The following KCTD16 variants were observed in gnomAD, a reference collection of about 807,000 sequenced individuals.
The protein encoded by KCTD16 is BTB/POZ domain-containing protein KCTD16.
KCTD16 carries 13 observed loss-of-function variants against 33.2 expected under a neutral mutation model. The observed-to-expected ratio is 0.39, with a 90% CI of 0.25 to 0.62. KCTD16 has a LOEUF of 0.62. Among genes scored for constraint, KCTD16 ranks in the 20% least tolerant of loss-of-function variants. The pLI is 0.50. For synonymous variants in KCTD16, 197 were observed against 195.3 expected (o/e 1.01, Z -0.07); for missense variants, 441 against 525.1 (o/e 0.84, Z 1.57).
At chr5:144,395,672 A>G (rs1752552502) in intron 3 of KCTD16, among the ~76,000 whole-genome samples, 1 of 152,156 alleles carries the variant, frequency 6.6e-6, no homozygotes, top group African/African-American at 2.4e-5. Flanking sequence ...TTAGAGTTCT[A>G]TTGTCCTCCC....
chr5:144,216,779 G>A (rs1753575401), intron 3 of KCTD16, among the ~76,000 whole-genome samples: 1 of 151,596 alleles, frequency 6.6e-6, no homozygotes. Flanking sequence ...GGGAGGTGGA[G>A]GTTGCAGTGA....
At chr5:144,367,124 A>T (rs986028826) in intron 3 of KCTD16, among the ~76,000 whole-genome samples, 1 of 152,204 alleles carries the variant, frequency 6.6e-6, no homozygotes, top group Non-Finnish European at 1.5e-5. Flanking sequence ...AATCCTGTCT[A>T]TCCTGTGTGG....
chr5:144,323,096 T>C (rs535297917), intron 3 of KCTD16, among the ~76,000 whole-genome samples: 1 of 152,212 alleles, frequency 6.6e-6, no homozygotes, highest in African/African-American at 2.4e-5. Context: ...AAAAAGGAAG[T>C]GCTATTATGA....
chr5:144,268,045 C>T lies in KCTD16; in HGVS notation c.832+60499C>T, dbSNP rs190261841. ...TTTTGAAACTCTGGAGTGTATTGCA[C>T]GCTTCAGACTTCTAAGGGAAAGCTT... On this transcript the variant is annotated intron_variant, in intron 3 of 3. Coordinates refer to ENST00000512467, the MANE Select transcript of KCTD16 (RefSeq NM_020768.4). Among the ~76,000 whole-genome samples the T allele has an allele frequency of 3.4e-3, 516 of 152,220 alleles. 6 individuals carry two copies. Among genetic ancestry groups the T allele is most frequent in the African/African-American group, 0.012 (487 of 41,544 alleles).
Position 144,417,761 on chromosome 5 carries a change from T to G in KCTD16, c.833-55899T>G, listed in dbSNP as rs1753100984. ...CCTATGTTCATTGATCCTTTTGAGT[T>G]TTTTTTGGGTCTATGTTGTAAAGTA... is the stretch of plus-strand genomic sequence containing the variant. On this transcript the variant is annotated intron_variant, in intron 3 of 3. Coordinates refer to ENST00000512467, the MANE Select transcript of KCTD16 (RefSeq NM_020768.4). Among the ~76,000 whole-genome samples the G allele has an allele frequency of 2.0e-5, 3 of 152,260 alleles. No homozygotes were observed. The South Asian group carries it at 6.2e-4, about 32-fold the overall frequency.
chr5:144,358,090 A>ATTTTTTTTTTT (rs539287370), intron 3 of KCTD16, among the ~76,000 whole-genome samples: 1 of 114,438 alleles, frequency 8.7e-6, no homozygotes, highest in African/African-American at 3.7e-5. Flanking sequence ...CACCCGGCTA[A>ATTTTTTTTTTT]TTTTTTTTTT....
At chr5:144,406,289 AG>A (rs1349905039) in intron 3 of KCTD16, among the ~76,000 whole-genome samples, 1 of 152,198 alleles carries the variant, frequency 6.6e-6, no homozygotes, top group Non-Finnish European at 1.5e-5. Context: ...TCCCATCATG[AG>A]GCACAGTTAG....
At chr5:144,214,140 A>G (rs372473054) in intron 3 of KCTD16, among the ~76,000 whole-genome samples, 1 of 152,208 alleles carries the variant, frequency 6.6e-6, no homozygotes, top group Non-Finnish European at 1.5e-5. Flanking sequence ...GGAATAAAAC[A>G]TAGGTGACAT....
chr5:144,298,778 C>T (rs115340643), intron 3 of KCTD16, among the ~76,000 whole-genome samples: 1 of 151,926 alleles, frequency 6.6e-6, no homozygotes, highest in African/African-American at 2.4e-5. Flanking sequence ...GATTTACCTT[C>T]ATCTCTCTGA....
At chr5:144,377,171 A>C (rs1752112923) in intron 3 of KCTD16, among the ~76,000 whole-genome samples, 1 of 152,188 alleles carries the variant, frequency 6.6e-6, no homozygotes, top group Admixed American at 6.5e-5. Flanking sequence ...TCAAGGAGAA[A>C]CATCCCCTAT....
intron 3 of KCTD16, among the ~76,000 whole-genome samples, chr5:144,470,145 G>A (rs549415519): frequency 3.9e-5 from 6 of 152,148 alleles, no homozygotes; most frequent in South Asian, 2.1e-4. Context: ...TTATGAGATC[G>A]TTATTTGGTA....
At chr5:144,176,849 C>G (rs1752522068) in intron 2 of KCTD16, among the ~76,000 whole-genome samples, 1 of 152,146 alleles carries the variant, frequency 6.6e-6, no homozygotes, top group Non-Finnish European at 1.5e-5. Flanking sequence ...AGAATTCTTC[C>G]TGACCATATC....
intron 3 of KCTD16, among the ~76,000 whole-genome samples, chr5:144,209,551 G>C (rs1021889238): frequency 1.3e-5 from 2 of 151,900 alleles, no homozygotes; most frequent in Non-Finnish European, 2.9e-5. Flanking sequence ...CTCTGTCTTA[G>C]GACCAATAAA....
chr5:144,237,691 C>T (rs774199210), intron 3 of KCTD16, among the ~76,000 whole-genome samples: 3 of 152,078 alleles, frequency 2.0e-5, no homozygotes, highest in Non-Finnish European at 2.9e-5. Context: ...CAGTCCACGT[C>T]GTTGATTAGT....
At chr5:144,193,404 C>T (rs369268341) in intron 2 of KCTD16, among the ~76,000 whole-genome samples, 15 of 152,224 alleles carry the variant, frequency 9.9e-5, no homozygotes, top group African/African-American at 2.6e-4. Context: ...ACAGCTGAGC[C>T]TTTGCTGTTT....
In KCTD16 at chr5:144,413,041, C is replaced by A. The variant is rs1014717656; in HGVS notation, c.833-60619C>A. ...ACAAATATTTAAGGTGCCATATATT[C>A]CAGTTACACTGATTTGATCTTTACA... On this transcript the variant is annotated intron_variant, in intron 3 of 3. Transcript: ENST00000512467. Among the ~76,000 whole-genome samples the A allele has an allele frequency of 2.0e-5, 3 of 152,126 alleles. No individual in the cohort carries two copies. The East Asian group carries it at 5.8e-4, about 29-fold the overall frequency.
chr5:144,259,151 A>C (rs552894009), intron 3 of KCTD16, among the ~76,000 whole-genome samples: 7 of 151,106 alleles, frequency 4.6e-5, no homozygotes, highest in South Asian at 2.1e-4. Context: ...CCAGCTACTC[A>C]GGAGACTGAG....
chr5:144,423,336 T>C (rs1753251961), intron 3 of KCTD16, among the ~76,000 whole-genome samples: 1 of 152,158 alleles, frequency 6.6e-6, no homozygotes, highest in African/African-American at 2.4e-5. Context: ...GCTTTTGAAA[T>C]ATTCCTCTGG....
intron 3 of KCTD16, among the ~76,000 whole-genome samples, chr5:144,270,418 C>T (rs936917990): frequency 4.0e-5 from 6 of 151,634 alleles, no homozygotes; most frequent in Non-Finnish European, 7.4e-5. Context: ...TTTGTGGAAA[C>T]ATACAAGCAA....
Sources: gnomAD v4.1 joint callset for allele counts (sites outside exome capture counted in the v4.1 genomes callset) on GRCh38, gnomAD v4.1.1 for gene constraint, MANE v1.5 for transcripts, NCBI Gene and HGNC (gene_info 2026-07-23, HGNC 2026-07-21) for gene names.